The following SMOC1 variants were observed in gnomAD, a reference collection of about 807,000 sequenced individuals.
SMOC1 encodes the protein SPARC related modular calcium binding 1, also known as SPARC-related modular calcium-binding protein 1.
SMOC1 carries 22 observed loss-of-function variants against 56.3 expected under a neutral mutation model. That is an observed-to-expected ratio of 0.39 (90% CI 0.28 to 0.56). The LOEUF is 0.56. Among genes scored for constraint, SMOC1 ranks in the 20% least tolerant of loss-of-function variants. The pLI is 0.61. For missense variants in SMOC1, 509 were observed against 565.4 expected, an observed-to-expected ratio of 0.90 and a Z score of 1.01; for synonymous variants, 193 against 215.0, an observed-to-expected ratio of 0.90 and a Z score of 0.89.
At chr14:69,956,131 C>T (rs867624708) in intron 3 of SMOC1, among the ~76,000 whole-genome samples, 3 of 152,190 alleles carry the variant, frequency 2.0e-5, no homozygotes, top group South Asian at 2.1e-4. Flanking sequence ...AATTGCTAAA[C>T]GAGAGAGTCC....
intron 5 of SMOC1, among the ~76,000 whole-genome samples, chr14:69,982,213 T>A (rs140206933): frequency 6.6e-6 from 1 of 152,276 alleles, no homozygotes; most frequent in East Asian, 1.9e-4. Flanking sequence ...AAAATACTAA[T>A]ATACTCTGCT....
intron 3 of SMOC1, among the ~76,000 whole-genome samples, chr14:69,957,662 A>T (rs891420039): frequency 3.9e-5 from 6 of 152,214 alleles, no homozygotes; most frequent in African/African-American, 1.2e-4. Context: ...TATGGAAATT[A>T]AAAAAAGATA....
intron 1 of SMOC1, among the ~76,000 whole-genome samples, chr14:69,951,663 G>A (rs1188749330): frequency 6.6e-6 from 1 of 152,190 alleles, no homozygotes; most frequent in African/African-American, 2.4e-5. Context: ...TTCCTGATTT[G>A]AGGATACACC....
At chr14:70,015,940 A>G (rs984680117) in intron 10 of SMOC1, among the ~76,000 whole-genome samples, 16 of 151,918 alleles carry the variant, frequency 1.1e-4, no homozygotes, top group Non-Finnish European at 1.8e-4. Flanking sequence ...GGGAAAAAGG[A>G]AAAAAAAGGA....
At chr14:69,993,892 T>G (rs227416) in intron 6 of SMOC1, among the ~76,000 whole-genome samples, 100,003 of 151,990 alleles carry the variant, frequency 0.66, 34,567 homozygotes, top group African/African-American at 0.87. Context: ...GGCACTCTCT[T>G]GATGGAGGAA....
intron 1 of SMOC1, among the ~76,000 whole-genome samples, chr14:69,884,428 C>T (rs1883738530): frequency 6.6e-6 from 1 of 152,004 alleles, no homozygotes; most frequent in South Asian, 2.1e-4. Flanking sequence ...TAATTGTTTT[C>T]CTTGGTGTGT....
intron 10 of SMOC1, among the ~76,000 whole-genome samples, chr14:70,015,378 C>T (rs575582344): frequency 6.6e-6 from 1 of 152,030 alleles, no homozygotes; most frequent in African/African-American, 2.4e-5. Context: ...TAGTTAACAG[C>T]ACGGTGCTAT....
chr14:69,957,505 G>A (rs959437816), intron 3 of SMOC1, among the ~76,000 whole-genome samples: 1 of 152,230 alleles, frequency 6.6e-6, no homozygotes. Flanking sequence ...AATATCCAAG[G>A]CTGTGCTCTT....
chr14:69,969,953 T>A (rs1470795104), intron 3 of SMOC1, among the ~76,000 whole-genome samples: 4 of 152,130 alleles, frequency 2.6e-5, no homozygotes, highest in Non-Finnish European at 5.9e-5. Context: ...AGTGGGCACC[T>A]GCAGAGAGAC....
At chr14:70,020,499 G>T (rs1306980366) in intron 10 of SMOC1, among the ~76,000 whole-genome samples, 1 of 152,168 alleles carries the variant, frequency 6.6e-6, no homozygotes, top group African/African-American at 2.4e-5. Context: ...AAGGAGGAAG[G>T]AAGGCAACAG....
At chr14:69,894,115 C>T (rs988909562) in intron 1 of SMOC1, among the ~76,000 whole-genome samples, 21 of 152,150 alleles carry the variant, frequency 1.4e-4, no homozygotes, top group Non-Finnish European at 2.9e-4. Context: ...GTTATGGCAG[C>T]CCTAGCAAAC....
chr14:69,934,713 A>G (rs28452412), intron 1 of SMOC1, among the ~76,000 whole-genome samples: 9,020 of 152,248 alleles, frequency 0.059, 292 homozygotes, highest in Middle Eastern at 0.15. Context: ...ATGCAAAAAC[A>G]TCATTTGCTG....
chr14:69,928,005 G>C (rs1885062160), intron 1 of SMOC1, among the ~76,000 whole-genome samples: 1 of 152,242 alleles, frequency 6.6e-6, no homozygotes, highest in Non-Finnish European at 1.5e-5. Flanking sequence ...AACTGGGCAA[G>C]TAGGGAAAGG....
chr14:70,015,924 GAA>G (rs1885494150), intron 10 of SMOC1, among the ~76,000 whole-genome samples: 1 of 152,086 alleles, frequency 6.6e-6, no homozygotes, highest in Non-Finnish European at 1.5e-5. Flanking sequence ...AGAAGAGAGA[GAA>G]AAAGGGAAAA....
chr14:69,928,472 G>GT (rs1885075229), intron 1 of SMOC1, among the ~76,000 whole-genome samples: 1 of 152,214 alleles, frequency 6.6e-6, no homozygotes, highest in African/African-American at 2.4e-5. Flanking sequence ...CCAGCCAGGG[G>GT]TGAGGGTCCG....
intron 1 of SMOC1, among the ~76,000 whole-genome samples, chr14:69,902,349 G>A (rs557073827): frequency 1.3e-5 from 2 of 152,316 alleles, no homozygotes; most frequent in Admixed American, 6.5e-5. Flanking sequence ...TCTCTTGTTT[G>A]TATGAGCCAG....
chr14:70,024,344 G>A (rs954187341), intron 11 of SMOC1, among the ~76,000 whole-genome samples: 1 of 152,168 alleles, frequency 6.6e-6, no homozygotes, highest in African/African-American at 2.4e-5. Flanking sequence ...CCAGGGCTCA[G>A]CAAACAATGG....
chr14:70,011,926 C>T (rs1409324181), intron 9 of SMOC1, among the ~76,000 whole-genome samples: 1 of 152,112 alleles, frequency 6.6e-6, no homozygotes, highest in East Asian at 1.9e-4. Flanking sequence ...CTGTCCTGAG[C>T]GATGTGGACA....
In SMOC1 at chr14:69,988,874, A is replaced by G. The variant is rs567677921; in HGVS notation, c.527-3543A>G. ...ATTCTTCATCTACATTGTCACATGT[A>G]TTAGTAATTCATTCCTTTTAATTGC... On this transcript the variant is annotated intron_variant, in intron 5 of 11. Coordinates refer to ENST00000361956, the MANE Select transcript of SMOC1 (RefSeq NM_001034852.3). Among the ~76,000 whole-genome samples the G allele has an allele frequency of 4.3e-4, 65 of 152,370 alleles. 1 individual carries two copies. Among genetic ancestry groups the G allele is most frequent in the Admixed American group, 1.0e-3 (16 of 15,306 alleles).
Sources: gnomAD v4.1 joint callset for allele counts (sites outside exome capture counted in the v4.1 genomes callset) on GRCh38, gnomAD v4.1.1 for gene constraint, MANE v1.5 for transcripts, NCBI Gene and HGNC (gene_info 2026-07-23, HGNC 2026-07-21) for gene names.